The following CCDC106 variants were observed in gnomAD, a reference collection of about 807,000 sequenced individuals.
The protein encoded by CCDC106 is coiled-coil domain-containing protein 106.
CCDC106 carries 17 observed loss-of-function variants against 24.7 expected under a neutral mutation model. The ratio of observed to expected loss-of-function variants is 0.69; its 90% CI spans 0.47 to 1.03. CCDC106 has a LOEUF of 1.03. Ranked by LOEUF, CCDC106 falls within the 50% of genes least tolerant of loss-of-function variation. The pLI, the probability that CCDC106 is intolerant of heterozygous loss-of-function variation, is 0.00. For synonymous variants in CCDC106, 211 were observed against 161.3 expected (o/e 1.31, Z -2.34); for missense variants, 337 against 388.9 (o/e 0.87, Z 1.12).
At position 55,652,340 on chromosome 19, in the gene CCDC106, T is replaced by C. The variant is rs1600060156; in HGVS notation, c.527-90T>C. On this transcript the variant is annotated intron_variant, in intron 4 of 4. Coordinates refer to ENST00000586790, the MANE Select transcript of CCDC106 (RefSeq NM_001370470.1). This position sits in a 1 kb window ranked among gnomAD's most constrained non-coding sequence, Gnocchi z 5.9. ...CCCGTGCCTCTGCTCGCCGAGATCC[T>C]TTCTTCCCATGGCCGTTTCCCTTCC... The C allele has an allele frequency of 4.2e-6, 5 of 1,201,508 alleles. No individual in the cohort carries two copies. In the East Asian group the frequency reaches 9.7e-5, roughly 23 times the overall value. 74.4% of individuals were successfully genotyped at this position (1,201,508 alleles called of 1,614,324 possible). A position where few individuals can be genotyped will look rare whatever the true frequency, so the allele number is the denominator to read the frequency against.
chr19:55,651,811 G>A (rs773543601), intron 4 of CCDC106, among the ~76,000 whole-genome samples: 5 of 152,080 alleles, frequency 3.3e-5, no homozygotes, highest in Middle Eastern at 3.4e-3. Flanking sequence ...ACAGGCACCC[G>A]CCACCACGCC....
At chr19:55,650,223 C>A (rs1983150641) in intron 3 of CCDC106, among the ~76,000 whole-genome samples, 1 of 152,224 alleles carries the variant, frequency 6.6e-6, no homozygotes, top group South Asian at 2.1e-4. Flanking sequence ...GATTCCTGGG[C>A]AGTCCCCACC....
upstream of CCDC106, among the ~76,000 whole-genome samples, chr19:55,647,764 AGGTAGG>A (rs1268377685): frequency 6.6e-6 from 1 of 151,650 alleles, no homozygotes; most frequent in African/African-American, 2.4e-5. Context: ...TGGCTGTAGG[AGGTAGG>A]GGAGCTCTGA....
In CCDC106 at chr19:55,652,460, A is replaced by AC; in HGVS notation, c.558dup (p.Lys187GlnfsTer137). 1 of 1,607,210 alleles carries AC rather than the reference A, an allele frequency of 6.2e-7. No individual in the cohort carries two copies. The highest frequency in any genetic ancestry group is 8.5e-7 in the Non-Finnish European group (1 of 1,175,686). On this transcript the variant is annotated frameshift_variant, in exon 5 of 5. Coordinates refer to ENST00000586790, the MANE Select transcript of CCDC106 (RefSeq NM_001370470.1). LOFTEE classifies it high-confidence loss of function. The surrounding 1 kb of genome is among the most constrained non-coding windows in gnomAD (Gnocchi z 5.9). ...GACGCCGACGGGGTCCTCTGCCGGT[A>AC]CAAGAAGATCCTGGGCACCTTCCAG...
chr19:55,648,914 A>G lies in CCDC106; in HGVS notation c.-133A>G, dbSNP rs1196724441. On this transcript the variant is annotated 5_prime_UTR_variant, in exon 1 of 5. Coordinates refer to ENST00000586790, the MANE Select transcript of CCDC106 (RefSeq NM_001370470.1). ...CCTCAGACCAGGGGTCCAGGCCAGA[A>G]GGTCCCTCCTGTCTCACTTCACCTC... The G allele has an allele frequency of 9.0e-6, 8 of 888,304 alleles. No individual in the cohort carries two copies. The highest frequency in any genetic ancestry group is 1.5e-5 in the Non-Finnish European group (8 of 540,698). 55.0% of individuals were successfully genotyped at this position (888,304 alleles called of 1,614,324 possible). A position where few individuals can be genotyped will look rare whatever the true frequency, so the allele number is the denominator to read the frequency against.
At chr19:55,647,594 G>A (rs571745527), upstream of CCDC106, among the ~76,000 whole-genome samples, 6 of 152,330 alleles carry the variant, frequency 3.9e-5, no homozygotes, top group South Asian at 1.2e-3. Context: ...AACAGGCTGG[G>A]GAGGAGCAGG....
At chr19:55,649,677 G>A (rs1464580656) in intron 3 of CCDC106, 93 bp downstream of exon 3, 14 of 1,255,350 alleles carry the variant, frequency 1.1e-5, no homozygotes, top group South Asian at 1.4e-5. Flanking sequence ...TGGCTGGCTG[G>A]GTGGGACCTG....
At position 55,652,819 on chromosome 19, in the gene CCDC106, C is replaced by G; in HGVS notation, c.*73C>G. The G allele has an allele frequency of 7.8e-7, 1 of 1,289,226 alleles. No individual in the cohort carries two copies. Among genetic ancestry groups the G allele is most frequent in the Non-Finnish European group, 1.1e-6 (1 of 937,998 alleles). The allele number at this position is 1,289,226 out of a possible 1,614,324, so 79.9% of individuals were successfully genotyped here. A position where few individuals can be genotyped will look rare whatever the true frequency, so the allele number is the denominator to read the frequency against. On this transcript the variant is annotated 3_prime_UTR_variant, in exon 5 of 5. Coordinates refer to ENST00000586790, the MANE Select transcript of CCDC106 (RefSeq NM_001370470.1). The surrounding 1 kb of genome is among the most constrained non-coding windows in gnomAD (Gnocchi z 5.9). Reference sequence around the variant, plus strand: ...CCCCGGTGGATGACCTGCCCCTCTCCCCGCCGCGCCCCTGCCCCTCCTCCT... The same window carrying G: ...CCCCGGTGGATGACCTGCCCCTCTCGCCGCCGCGCCCCTGCCCCTCCTCCT...
intron 3 of CCDC106, among the ~76,000 whole-genome samples, chr19:55,650,974 A>C (rs1162277082): frequency 3.3e-5 from 5 of 151,956 alleles, no homozygotes; most frequent in African/African-American, 1.2e-4. Flanking sequence ...AGTCCCCAGA[A>C]ATTTCTCCCT....
At position 55,652,767 on chromosome 19, in the gene CCDC106, T is replaced by C. The variant is rs1219334506; in HGVS notation, c.*21T>C. On this transcript the variant is annotated 3_prime_UTR_variant, in exon 5 of 5. Coordinates refer to ENST00000586790, the MANE Select transcript of CCDC106 (RefSeq NM_001370470.1). The surrounding 1 kb of genome is among the most constrained non-coding windows in gnomAD (Gnocchi z 5.9). ...GGTGATCGCACCACGCCTCCGCGCC[T>C]CCACCCGGGCCTTCCTCCCCCGTGG... 2 of 1,586,486 alleles carry C rather than the reference T, an allele frequency of 1.3e-6. No homozygotes were observed. Among genetic ancestry groups the C allele is most frequent in the Non-Finnish European group, 1.7e-6 (2 of 1,164,514 alleles).
At position 55,652,366 on chromosome 19, in the gene CCDC106, CGTGTCCGCCCCCTCAGTCTT is replaced by C. The variant is rs1264380527; in HGVS notation, c.527-60_527-41del. On this transcript the variant is annotated intron_variant, in intron 4 of 4. Transcript: ENST00000586790. This position sits in a 1 kb window ranked among gnomAD's most constrained non-coding sequence, Gnocchi z 5.9. ...TTCTTCCCATGGCCGTTTCCCTTCCCGTGTCCGCCCCCTCAGTCTTGTGCCCTGCCCCTCACTTTCGTGTC... is the reference window on the plus strand; with the variant it reads ...TTCTTCCCATGGCCGTTTCCCTTCCCGTGCCCTGCCCCTCACTTTCGTGTC... 21 of 1,414,576 alleles carry C rather than the reference CGTGTCCGCCCCCTCAGTCTT, an allele frequency of 1.5e-5. No individual in the cohort carries two copies. In the African/African-American group the frequency reaches 2.9e-4, roughly 19 times the overall value. The allele number at this position is 1,414,576 out of a possible 1,614,324, so 87.6% of individuals were successfully genotyped here.
upstream of CCDC106, among the ~76,000 whole-genome samples, chr19:55,647,847 C>T (rs2123643257): frequency 6.6e-6 from 1 of 152,186 alleles, no homozygotes; most frequent in East Asian, 1.9e-4. Flanking sequence ...CCAACTTTCT[C>T]GGTGTCTCAA....
At chr19:55,651,787 G>A (rs1983302750) in intron 4 of CCDC106, among the ~76,000 whole-genome samples, 1 of 151,744 alleles carries the variant, frequency 6.6e-6, no homozygotes, top group Non-Finnish European at 1.5e-5. Flanking sequence ...TCAGCCTCCC[G>A]AGTAGCTGGG....
In CCDC106 at chr19:55,651,342, G is replaced by C. The variant is rs766746051; in HGVS notation, c.373G>C (p.Ala125Pro). Residue 125 changes from alanine (A) to proline (P), a missense_variant, in exon 4 of 5, where the codon GCT becomes CCT. Around this residue, in one of 2 missense-constraint regions of CCDC106, gnomAD observed 234 missense variants for 236.5 expected, o/e 0.99. Transcript: ENST00000586790. ...RRMEGDSRGG[A>P]GGEASDPESA... ...GATGGAGGGGGACAGCCGTGGTGGGGCTGGGGGCGAGGCCTCGGACCCTGA... is the reference window on the plus strand; with the variant it reads ...GATGGAGGGGGACAGCCGTGGTGGGCCTGGGGGCGAGGCCTCGGACCCTGA... The C allele has an allele frequency of 3.9e-5, 63 of 1,613,326 alleles. No homozygotes were observed. The highest frequency in any genetic ancestry group is 3.4e-6 in the Non-Finnish European group (4 of 1,179,874).
At position 55,648,263 on chromosome 19, in the gene CCDC106, G is replaced by C. The variant is rs904464052; in HGVS notation, c.-784G>C. On this transcript the variant is annotated 5_prime_UTR_variant, in exon 1 of 5. Transcript: ENST00000586790. ...CGCCGCCGCCGTCGGTCCCCGAGCC[G>C]GATTCCGCGAGCGGGTGGGTGAGCG... is the stretch of plus-strand genomic sequence containing the variant. 2.0e-4 allele frequency: 31 copies of C among 152,152 alleles called. No individual in the cohort carries two copies. Among genetic ancestry groups the C allele is most frequent in the African/African-American group, 7.5e-4 (31 of 41,460 alleles). 9.4% of individuals were successfully genotyped at this position (152,152 alleles called of 1,614,324 possible). A position where few individuals can be genotyped will look rare whatever the true frequency, so the allele number is the denominator to read the frequency against.
Position 55,652,317 on chromosome 19 carries a change from C to G in CCDC106, c.527-113C>G, listed in dbSNP as rs1007024889. The G allele has an allele frequency of 6.8e-6, 6 of 886,284 alleles. No individual in the cohort carries two copies. Among genetic ancestry groups the G allele is most frequent in the Admixed American group, 5.1e-5 (2 of 39,172 alleles). The allele number at this position is 886,284 out of a possible 1,614,324, so 54.9% of individuals were successfully genotyped here. A position where few individuals can be genotyped will look rare whatever the true frequency, so the allele number is the denominator to read the frequency against. On this transcript the variant is annotated intron_variant, in intron 4 of 4. Coordinates refer to ENST00000586790, the MANE Select transcript of CCDC106 (RefSeq NM_001370470.1). The surrounding 1 kb of genome is among the most constrained non-coding windows in gnomAD (Gnocchi z 5.9). Reference sequence around the variant, plus strand: ...TTCTCCGTCTCCACCTGCACCGGCCCGTGCCTCTGCTCGCCGAGATCCTTT... The same window carrying G: ...TTCTCCGTCTCCACCTGCACCGGCCGGTGCCTCTGCTCGCCGAGATCCTTT...
intron 3 of CCDC106, 108 bp downstream of exon 3, chr19:55,649,692 G>A: frequency 9.3e-7 from 1 of 1,071,978 alleles, no homozygotes; most frequent in Non-Finnish European, 1.3e-6. Context: ...GACCTGCCAT[G>A]TTGGCCCTAT....
rs758551413 is a variant in CCDC106, at chr19:55,652,716, G to C, written c.813G>C (p.Leu271=). 20 of 1,612,482 alleles carry C rather than the reference G, an allele frequency of 1.2e-5. No individual in the cohort carries two copies. The highest frequency in any genetic ancestry group is 1.6e-5 in the Non-Finnish European group (19 of 1,179,832). The part of the protein sequence containing the change: ...KVQALKKSKL[L]LPITYRFKR ...AGGCGCTCAAGAAGAGCAAGCTGCT[G>C]CTGCCCATCACCTACCGCTTCAAGC... The change falls in exon 5 of 5, where the codon CTG becomes CTC. Residue 271 remains leucine (L), a synonymous_variant. Coordinates refer to ENST00000586790, the MANE Select transcript of CCDC106 (RefSeq NM_001370470.1). This position sits in a 1 kb window ranked among gnomAD's most constrained non-coding sequence, Gnocchi z 5.9.
intron 3 of CCDC106, among the ~76,000 whole-genome samples, chr19:55,650,076 CA>C (rs1476876711): frequency 5.3e-5 from 8 of 152,122 alleles, no homozygotes; most frequent in Admixed American, 5.2e-4. Context: ...TCTGTGACAC[CA>C]GGGGCCATCT....
Sources: allele counts gnomAD v4.1 joint callset (sites outside exome capture counted in the v4.1 genomes callset), GRCh38; gene constraint gnomAD v4.1.1; regional missense constraint gnomAD v4.1.1; non-coding constraint Gnocchi (gnomAD v3.1); transcripts MANE v1.5; gene names NCBI Gene and HGNC (gene_info 2026-07-23, HGNC 2026-07-21).